Variants in ABLIM2 observed in about 807,000 individuals in gnomAD.
ABLIM2 encodes the protein actin-binding LIM protein 2.
Under a neutral mutation model 97.7 loss-of-function variants are expected in ABLIM2, and 53 were observed. The observed-to-expected ratio is 0.54, with a 90% CI of 0.44 to 0.68. ABLIM2 has a LOEUF of 0.68. Among genes scored for constraint, ABLIM2 ranks in the 30% least tolerant of loss-of-function variants. The pLI is 0.00. For missense variants in ABLIM2, 835 were observed against 867.2 expected (o/e 0.96, Z 0.47); for synonymous variants, 361 against 345.8 (o/e 1.04, Z -0.49).
chr4:7,995,978 G>A (rs1041239146), intron 16 of ABLIM2, among the ~76,000 whole-genome samples: 1 of 152,086 alleles, frequency 6.6e-6, no homozygotes, highest in Non-Finnish European at 1.5e-5. Flanking sequence ...GCCCCAGGAT[G>A]CCAGACAAGG....
rs190426386 is a variant in ABLIM2 at position 8,013,948 on chromosome 4, G to A, written c.1424-4846C>T. On this transcript the variant is annotated intron_variant, in intron 14 of 20. Coordinates refer to ENST00000447017, the MANE Select transcript of ABLIM2 (RefSeq NM_001130083.2). ...GGGCCCTACCAGCTCCCTCTTTGGCGGCATCAACACACCGACAGCTCTAAC... is the reference window on the plus strand; with the variant it reads ...GGGCCCTACCAGCTCCCTCTTTGGCAGCATCAACACACCGACAGCTCTAAC... Among the ~76,000 whole-genome samples, 7 of 152,308 alleles carry A rather than the reference G, an allele frequency of 4.6e-5. No homozygotes were observed. In the East Asian group the frequency reaches 1.2e-3, roughly 25 times the overall value.
intron 4 of ABLIM2, among the ~76,000 whole-genome samples, chr4:8,086,414 C>T (rs1324857572): frequency 1.3e-5 from 2 of 149,454 alleles, no homozygotes; most frequent in Non-Finnish European, 3.0e-5. Flanking sequence ...GTGGTGCAAT[C>T]CCAGCTCACT....
In ABLIM2 at chr4:8,032,122, G is replaced by T. The variant is rs1358947305; in HGVS notation, c.1048-2346C>A. Among the ~76,000 whole-genome samples, 1 of 151,780 alleles carries T rather than the reference G, an allele frequency of 6.6e-6. No individual in the cohort carries two copies. Among genetic ancestry groups the T allele is most frequent in the Non-Finnish European group, 1.5e-5 (1 of 67,990 alleles). On this transcript the variant is annotated intron_variant, in intron 10 of 20. Coordinates refer to ENST00000447017, the MANE Select transcript of ABLIM2 (RefSeq NM_001130083.2). The surrounding 1 kb of genome is among the most constrained non-coding windows in gnomAD (Gnocchi z 4.3). ...TTCCTGGCTACCATGACACCTTTCT[G>T]CTGTGGCCACCCGTGCGGCCGCACA... is the stretch of plus-strand genomic sequence containing the variant.
intron 6 of ABLIM2, chr4:8,066,866 C>T (rs191512529): frequency 3.3e-5 from 5 of 152,188 alleles, no homozygotes; most frequent in African/African-American, 1.2e-4. Context: ...CAAATGCCAC[C>T]GAACATTTTA....
chr4:8,098,806 G>A (rs951587296), intron 2 of ABLIM2, among the ~76,000 whole-genome samples: 1 of 152,196 alleles, frequency 6.6e-6, no homozygotes, highest in African/African-American at 2.4e-5. Context: ...AGTGCGATGT[G>A]AGACCTGAGT....
At position 7,986,383 on chromosome 4, in the gene ABLIM2, C is replaced by T. The variant is rs907769799; in HGVS notation, c.1681-1490G>A. Among the ~76,000 whole-genome samples the T allele has an allele frequency of 6.6e-6, 1 of 152,172 alleles. No homozygotes were observed. The highest frequency in any genetic ancestry group is 1.5e-5 in the Non-Finnish European group (1 of 68,028). On this transcript the variant is annotated intron_variant, in intron 17 of 20. Transcript: ENST00000447017. The surrounding 1 kb of genome is among the most constrained non-coding windows in gnomAD (Gnocchi z 4.3). ...GCCCCGAGGGAAGCTGGACCTTCTT[C>T]CTGATGCAGAGCTGGAGTCAGAGGG... is the stretch of plus-strand genomic sequence containing the variant.
rs552427248 is a variant in ABLIM2, at chr4:8,013,016, A to G, written c.1424-3914T>C. Among the ~76,000 whole-genome samples the G allele has an allele frequency of 2.7e-3, 416 of 152,276 alleles. 4 individuals are homozygous for G. The highest frequency in any genetic ancestry group is 4.0e-3 in the Non-Finnish European group (271 of 68,026). ...TGGGGGATGCAGAAAAAACTCAGAC[A>G]TGACCCTTGTCTTTCAGAAGCTCAC... On this transcript the variant is annotated intron_variant, in intron 14 of 20. Transcript: ENST00000447017.
intron 1 of ABLIM2, among the ~76,000 whole-genome samples, chr4:8,144,454 C>T (rs892437373): frequency 4.6e-5 from 7 of 152,176 alleles, no homozygotes; most frequent in African/African-American, 1.2e-4. Flanking sequence ...ATCACAAATA[C>T]GCAGACAGCA....
At position 8,085,673 on chromosome 4, in the gene ABLIM2, A is replaced by G. The variant is rs1229451260; in HGVS notation, c.454+2496T>C. 6.8e-6 allele frequency among the ~76,000 whole-genome samples: 1 copy of G among 146,860 alleles called. No individual in the cohort carries two copies. Among genetic ancestry groups the G allele is most frequent in the Admixed American group, 6.7e-5 (1 of 14,858 alleles). On this transcript the variant is annotated intron_variant, in intron 4 of 20. Transcript: ENST00000447017. The surrounding 1 kb of genome is among the most constrained non-coding windows in gnomAD (Gnocchi z 6.1). ...GGGTGCCCACGCTGCAGCCCCGTCC[A>G]CTCACGTGGGTCTGGGGGTGCCCAC...
intron 9 of ABLIM2, among the ~76,000 whole-genome samples, chr4:8,042,494 C>T (rs1258893871): frequency 2.0e-5 from 3 of 152,234 alleles, no homozygotes; most frequent in Admixed American, 1.3e-4. Flanking sequence ...TCAGATCACA[C>T]ACATTTTGTC....
At chr4:8,080,251 C>T (rs1818932890) in intron 5 of ABLIM2, among the ~76,000 whole-genome samples, 2 of 152,226 alleles carry the variant, frequency 1.3e-5, no homozygotes, top group African/African-American at 2.4e-5. Flanking sequence ...GGTCAGCCCC[C>T]TCTCCTCATC....
At chr4:8,018,778 C>T (rs911956382) in intron 14 of ABLIM2, among the ~76,000 whole-genome samples, 1 of 152,182 alleles carries the variant, frequency 6.6e-6, no homozygotes, top group Admixed American at 6.5e-5. Context: ...TATGGAAATG[C>T]CTTTTCCCAT....
chr4:8,080,248 C>A (rs1038086282), intron 5 of ABLIM2, among the ~76,000 whole-genome samples: 6 of 152,178 alleles, frequency 3.9e-5, no homozygotes, highest in African/African-American at 1.4e-4. Context: ...ATGGGTCAGC[C>A]CCCTCTCCTC....
At chr4:8,077,587 C>T (rs745551361) in intron 6 of ABLIM2, 41 bp downstream of exon 6, 20 of 1,552,404 alleles carry the variant, frequency 1.3e-5, no homozygotes, top group Non-Finnish European at 1.6e-5. Flanking sequence ...GCAGTTAGGC[C>T]CTAGCTCAGA....
rs75581178 is a variant in ABLIM2 at position 7,966,061 on chromosome 4, T to A, written c.*929A>T. 3 of 152,192 alleles carry A rather than the reference T, an allele frequency of 2.0e-5. No individual in the cohort carries two copies. Among genetic ancestry groups the A allele is most frequent in the Non-Finnish European group, 2.9e-5 (2 of 68,022 alleles). 9.4% of individuals were successfully genotyped at this position (152,192 alleles called of 1,614,324 possible). ...AAAACAGTGGTGGCTATACCTCACA[T>A]GTATTTACAAAGCGTTCTTTAGAGG... On this transcript the variant is annotated 3_prime_UTR_variant, in exon 21 of 21. Coordinates refer to ENST00000447017, the MANE Select transcript of ABLIM2 (RefSeq NM_001130083.2).
intron 2 of ABLIM2, among the ~76,000 whole-genome samples, chr4:8,101,182 G>C (rs374869892): frequency 1.3e-5 from 2 of 152,348 alleles, no homozygotes; most frequent in South Asian, 4.1e-4. Context: ...CTTAACCTGG[G>C]CGAGGGCTCC....
intron 1 of ABLIM2, among the ~76,000 whole-genome samples, chr4:8,146,964 A>C (rs1851904689): frequency 6.6e-6 from 1 of 152,234 alleles, no homozygotes; most frequent in East Asian, 1.9e-4. Flanking sequence ...ATGCTGCCAT[A>C]GATGGACAGG....
In ABLIM2 at chr4:7,989,947, T is replaced by C. The variant is rs187746029; in HGVS notation, c.1680+2919A>G. ...TCACTTCAAGGGTAGGTTATGAGCA[T>C]CTACCATGCATCAGGCACTGTGGCA... On this transcript the variant is annotated intron_variant, in intron 17 of 20. Transcript: ENST00000447017. Among the ~76,000 whole-genome samples, 53 of 152,318 alleles carry C rather than the reference T, an allele frequency of 3.5e-4. 1 individual carries two copies. In the East Asian group the frequency reaches 9.8e-3, roughly 28 times the overall value.
intron 6 of ABLIM2, among the ~76,000 whole-genome samples, chr4:8,065,440 G>A (rs899921699): frequency 3.3e-5 from 5 of 152,112 alleles, no homozygotes; most frequent in African/African-American, 9.7e-5. Context: ...AACACAGAAA[G>A]GAAAAGAAAA....
Sources: allele counts gnomAD v4.1 joint callset (sites outside exome capture counted in the v4.1 genomes callset), GRCh38; gene constraint gnomAD v4.1.1; non-coding constraint Gnocchi (gnomAD v3.1); transcripts MANE v1.5; gene names NCBI Gene and HGNC (gene_info 2026-07-23, HGNC 2026-07-21).